Variants in CACNA1G observed in about 807,000 individuals in gnomAD.
CACNA1G encodes voltage-dependent T-type calcium channel subunit alpha-1G.
CACNA1G carries 67 observed loss-of-function variants against 219.4 expected under a neutral mutation model. The ratio of observed to expected loss-of-function variants is 0.31; its 90% confidence interval spans 0.25 to 0.37. The LOEUF is 0.37. Ranked by LOEUF, CACNA1G falls within the 10% of genes least tolerant of loss-of-function variation. CACNA1G has a pLI of 1.00. For synonymous variants in CACNA1G, 1,296 were observed against 1,345.3 expected, an observed-to-expected ratio of 0.96 and a Z score of 0.80; for missense variants, 2,380 against 3,231.4, an observed-to-expected ratio of 0.74 and a Z score of 6.39.
At chr17:50,605,790 C>T in intron 22 of CACNA1G, 108 bp from the exon 23 acceptor site, 10 of 1,222,982 alleles carry the variant, frequency 8.2e-6, no homozygotes, top group Non-Finnish European at 1.2e-5. Context: ...CAGAGCACCC[C>T]ACACTCACTC....
intron 22 of CACNA1G, 130 bp downstream of exon 22, chr17:50,604,411 C>T: frequency 8.3e-7 from 1 of 1,203,738 alleles, no homozygotes; most frequent in Non-Finnish European, 1.2e-6. Flanking sequence ...GGGACGCTTC[C>T]CTCCAGGCTC....
intron 35 of CACNA1G, among the ~76,000 whole-genome samples, chr17:50,623,263 ATTTTTTTTTTTTTT>A (rs35058899): frequency 3.9e-5 from 2 of 50,978 alleles, no homozygotes; most frequent in African/African-American, 9.5e-5. Flanking sequence ...TATCCAGCTA[ATTTTTTTTTTTTTT>A]TTTTTTTTTT....
In CACNA1G at chr17:50,614,252, G is replaced by GC. The variant is rs548379844; in HGVS notation, c.4760-1105dup. ...TGGCCTGGGCCCAAAGCTTCCTGCT[G>GC]CCCCTAAGCCAGCTACCCCCTGGCT... On this transcript the variant is annotated intron_variant, in intron 26 of 37. Transcript: ENST00000359106. 1.8e-3 allele frequency among the ~76,000 whole-genome samples: 269 copies of GC among 152,328 alleles called. 5 individuals carry two copies. The highest frequency in any genetic ancestry group is 4.4e-4 in the Non-Finnish European group (30 of 68,030).
chr17:50,606,208 G>A, intron 23 of CACNA1G, 185 bp downstream of exon 23: 1 of 865,578 alleles, frequency 1.2e-6, no homozygotes, highest in Non-Finnish European at 2.0e-6. Flanking sequence ...GCCCCAAAAA[G>A]TGGGCCCATG....
At chr17:50,574,912 C>T (rs758359397) in intron 7 of CACNA1G, among the ~76,000 whole-genome samples, 1 of 152,040 alleles carries the variant, frequency 6.6e-6, no homozygotes, top group African/African-American at 2.4e-5. Flanking sequence ...AAGGGTTCAG[C>T]CCCTCCCACA....
chr17:50,616,163 C>T (rs759093318), intron 27 of CACNA1G, 112 bp from the exon 28 acceptor site: 345 of 642,548 alleles, frequency 5.4e-4, no homozygotes, highest in Non-Finnish European at 8.0e-4. Context: ...GAAGACAGGG[C>T]TCCTTGGAGT....
intron 9 of CACNA1G, among the ~76,000 whole-genome samples, chr17:50,580,194 G>A (rs2041644222): frequency 6.6e-6 from 1 of 152,188 alleles, no homozygotes; most frequent in African/African-American, 2.4e-5. Context: ...ACGTGGGTGT[G>A]GGTGTGTGTG....
rs1475588045 is a variant in CACNA1G, at chr17:50,578,638, G to A, written c.2301+74G>A. On this transcript the variant is annotated intron_variant, in intron 9 of 37. Coordinates refer to ENST00000359106, the MANE Select transcript of CACNA1G (RefSeq NM_018896.5). The surrounding 1 kb of genome is among the most constrained non-coding windows in gnomAD (Gnocchi z 4.5). ...GGGCTGGGGCCTTCTACCTCCCTCC[G>A]CACCCCTCCTCCTGAGCTCAGCTTC... 13 of 1,413,402 alleles carry A rather than the reference G, an allele frequency of 9.2e-6. No homozygotes were observed. The highest frequency in any genetic ancestry group is 7.2e-5 in the South Asian group (5 of 69,856). The allele number at this position is 1,413,402 out of a possible 1,614,324, so 87.6% of individuals were successfully genotyped here. A position where few individuals can be genotyped will look rare whatever the true frequency, so the allele number is the denominator to read the frequency against.
At chr17:50,597,035 G>A (rs2045708517) in intron 16 of CACNA1G, 112 bp downstream of exon 16, 4 of 1,025,852 alleles carry the variant, frequency 3.9e-6, no homozygotes, top group Non-Finnish European at 5.5e-6. Flanking sequence ...CCATGGGCTG[G>A]ATGGGGCCTG....
In CACNA1G at chr17:50,618,180, C is replaced by G. The variant is rs371540840; in HGVS notation, c.5306-42C>G. ...GCCAGGGCTGGAGACCAGGGGGCTCCTGGACTAACATGGGCCTCTCCCCCT... is the reference window on the plus strand; with the variant it reads ...GCCAGGGCTGGAGACCAGGGGGCTCGTGGACTAACATGGGCCTCTCCCCCT... On this transcript the variant is annotated intron_variant, in intron 31 of 37. Transcript: ENST00000359106. The surrounding 1 kb of genome is among the most constrained non-coding windows in gnomAD (Gnocchi z 5.3). 1.2e-6 allele frequency: 2 copies of G among 1,612,638 alleles called. No homozygotes were observed. The highest frequency in any genetic ancestry group is 2.7e-5 in the African/African-American group (2 of 74,872).
At chr17:50,598,204 T>C (rs1192911952) in intron 16 of CACNA1G, among the ~76,000 whole-genome samples, 1 of 152,224 alleles carries the variant, frequency 6.6e-6, no homozygotes, top group East Asian at 1.9e-4. Context: ...ATTTTTTGTA[T>C]TTTTAGTAGA....
At chr17:50,589,867 T>C (rs1026410781) in intron 9 of CACNA1G, among the ~76,000 whole-genome samples, 21 of 151,908 alleles carry the variant, frequency 1.4e-4, no homozygotes, top group Non-Finnish European at 3.1e-4. Flanking sequence ...CCTATCACCA[T>C]GTGTGTGACT....
chr17:50,599,348 C>G, intron 16 of CACNA1G, 80 bp from the exon 17 acceptor site: 1 of 1,280,606 alleles, frequency 7.8e-7, no homozygotes, highest in South Asian at 1.5e-5. Context: ...GCCAGTGAGG[C>G]TCCCAGGAGA....
Position 50,600,888 on chromosome 17 carries a change from G to T in CACNA1G, c.3791+62G>T. 1.3e-6 allele frequency: 2 copies of T among 1,565,618 alleles called. No individual in the cohort carries two copies. The highest frequency in any genetic ancestry group is 8.8e-7 in the Non-Finnish European group (1 of 1,138,062). ...CCTCTTCTTCTCACGGGAAATTACC[G>T]CTGGTGATGCTGTCAGGGATTTGAG... On this transcript the variant is annotated intron_variant, in intron 18 of 37. Coordinates refer to ENST00000359106, the MANE Select transcript of CACNA1G (RefSeq NM_018896.5). The surrounding 1 kb of genome is among the most constrained non-coding windows in gnomAD (Gnocchi z 4.1).
chr17:50,595,069 C>G lies in CACNA1G; in HGVS notation c.2979+8C>G. The G allele has an allele frequency of 6.4e-7, 1 of 1,550,720 alleles. No individual in the cohort carries two copies. The highest frequency in any genetic ancestry group is 8.7e-7 in the Non-Finnish European group (1 of 1,146,426). On this transcript the variant is annotated splice_region_variant and intron_variant, in intron 14 of 37. Coordinates refer to ENST00000359106, the MANE Select transcript of CACNA1G (RefSeq NM_018896.5). ...CCTGTCGACTCCCAGGGGGTAGGTACGCGATCATGAGCCGGCATGCCTCCC... is the reference window on the plus strand; with the variant it reads ...CCTGTCGACTCCCAGGGGGTAGGTAGGCGATCATGAGCCGGCATGCCTCCC...
rs746285801 is a variant in CACNA1G, at chr17:50,572,739, C to T, written c.932C>T (p.Thr311Ile). Residue 311 changes from threonine to isoleucine, a missense_variant, in exon 6 of 38, where the codon ACC becomes ATC. By Grantham distance (89) the Thr-to-Ile change is moderately conservative. This residue lies in a region of CACNA1G where 72 missense variants were observed against 175.8 expected (regional missense o/e 0.41). Transcript: ENST00000359106. ...DYEAYNSSSN[T>I]TCVNWNQYYT... The stretch of plus-strand genomic sequence containing the variant: ...GAGGCCTACAACAGCTCCAGCAACA[C>T]CACCTGTGTCAACTGGAACCAGTAC... 6 of 1,613,886 alleles carry T rather than the reference C, an allele frequency of 3.7e-6. No individual in the cohort carries two copies. Among genetic ancestry groups the T allele is most frequent in the Non-Finnish European group, 5.1e-6 (6 of 1,179,884 alleles).
chr17:50,569,912 C>A, intron 4 of CACNA1G, 109 bp downstream of exon 4: 1 of 806,590 alleles, frequency 1.2e-6, no homozygotes, highest in Non-Finnish European at 2.0e-6. Flanking sequence ...TCACAGGCCC[C>A]GTCAGAGAAG....
chr17:50,607,088 G>A (rs1039516203), intron 24 of CACNA1G, 99 bp downstream of exon 24: 9 of 919,666 alleles, frequency 9.8e-6, no homozygotes, highest in African/African-American at 4.9e-5. Context: ...AAAATGCCAT[G>A]AAAGAAGCAT....
At chr17:50,623,859 C>A in intron 35 of CACNA1G, 48 bp from the exon 36 acceptor site, 1 of 1,577,090 alleles carries the variant, frequency 6.3e-7, no homozygotes, top group South Asian at 1.1e-5. Context: ...AGTTACCAAA[C>A]CCACGCACAC....
Sources: allele counts gnomAD v4.1 joint callset (sites outside exome capture counted in the v4.1 genomes callset), GRCh38; gene constraint gnomAD v4.1.1; regional missense constraint gnomAD v4.1.1; non-coding constraint Gnocchi (gnomAD v3.1); transcripts MANE v1.5; gene names NCBI Gene and HGNC (gene_info 2026-07-23, HGNC 2026-07-21).